Variants in TMEM45A observed in about 807,000 individuals in gnomAD.
TMEM45A encodes DNA polymerase-transactivated protein 4.
Under a neutral mutation model 32.0 loss-of-function variants are expected in TMEM45A, and 25 were observed. The observed-to-expected ratio is 0.78, with a 90% CI of 0.57 to 1.09. The LOEUF (loss-of-function observed/expected upper bound fraction) is 1.09, where lower values mean the gene tolerates loss of function less well. Among genes scored for constraint, TMEM45A ranks in the 50% least tolerant of loss-of-function variants. TMEM45A has a pLI of 0.00. For synonymous variants in TMEM45A, 122 were observed against 114.8 expected (o/e 1.06, Z -0.40); for missense variants, 302 against 325.0 (o/e 0.93, Z 0.54).
intron 1 of TMEM45A, among the ~76,000 whole-genome samples, chr3:100,511,102 A>C (rs1472767305): frequency 3.3e-5 from 5 of 152,148 alleles, no homozygotes; most frequent in Non-Finnish European, 2.9e-5. Flanking sequence ...GCCAACATTC[A>C]GATTCAGGAA....
intron 1 of TMEM45A, among the ~76,000 whole-genome samples, chr3:100,529,123 C>T (rs542957979): frequency 1.5e-3 from 231 of 152,102 alleles, no homozygotes; most frequent in Non-Finnish European, 2.2e-3. Context: ...CTCCTTTCCC[C>T]CATAAGACCT....
intron 1 of TMEM45A, among the ~76,000 whole-genome samples, chr3:100,515,410 T>G (rs1304247931): frequency 2.1e-5 from 3 of 142,218 alleles, no homozygotes. Flanking sequence ...TTCTCACTCA[T>G]AGGTGGGAAT....
intron 4 of TMEM45A, among the ~76,000 whole-genome samples, chr3:100,562,224 T>G (rs1366931823): frequency 6.6e-6 from 1 of 152,104 alleles, no homozygotes; most frequent in Non-Finnish European, 1.5e-5. Context: ...AGATTGAGGT[T>G]TTTTTTTGGA....
chr3:100,574,164 A>T (rs529506949), intron 5 of TMEM45A: 1 of 152,322 alleles, frequency 6.6e-6, no homozygotes, highest in African/African-American at 2.4e-5. Context: ...GAATAGTTTC[A>T]GAAGGAATGG....
chr3:100,501,762 G>A (rs1708010798), intron 1 of TMEM45A, among the ~76,000 whole-genome samples: 1 of 152,100 alleles, frequency 6.6e-6, no homozygotes, highest in Admixed American at 6.5e-5. Flanking sequence ...TAGTAACATA[G>A]GTGTTTAGGA....
chr3:100,546,681 C>T (rs1705985353), intron 1 of TMEM45A, among the ~76,000 whole-genome samples: 1 of 152,196 alleles, frequency 6.6e-6, no homozygotes, highest in African/African-American at 2.4e-5. Flanking sequence ...AGCTTTACCT[C>T]CTTAACATGT....
Position 100,555,250 on chromosome 3 carries a change from C to T in TMEM45A, c.39C>T (p.Phe13=), listed in dbSNP as rs1706191225. Residue 13 remains phenylalanine, a synonymous_variant, in exon 2 of 6, where the codon TTC becomes TTT. Coordinates refer to ENST00000323523, the MANE Select transcript of TMEM45A (RefSeq NM_018004.3). ...NFRGHALPGT[F]FFIIGLWWCT... Reference sequence around the variant, plus strand: ...GAGGTCATGCCCTCCCTGGAACCTTCTTTTTTATTATTGGTCTTTGGTGGT... The same window carrying T: ...GAGGTCATGCCCTCCCTGGAACCTTTTTTTTTATTATTGGTCTTTGGTGGT... 6.2e-7 allele frequency: 1 copy of T among 1,610,970 alleles called. No homozygotes were observed. Among genetic ancestry groups the T allele is most frequent in the Non-Finnish European group, 8.5e-7 (1 of 1,178,592 alleles).
At chr3:100,500,132 A>G in intron 1 of TMEM45A, among the ~76,000 whole-genome samples, 1 of 152,200 alleles carries the variant, frequency 6.6e-6, no homozygotes, top group Non-Finnish European at 1.5e-5. Flanking sequence ...CTTTGTTAAT[A>G]GTCTGCTCTA....
chr3:100,540,528 A>G (rs900099780), intron 1 of TMEM45A, among the ~76,000 whole-genome samples: 2 of 152,220 alleles, frequency 1.3e-5, no homozygotes, highest in Non-Finnish European at 2.9e-5. Context: ...AATCCAAAAT[A>G]CTGACACCAC....
rs143500259 is a variant in TMEM45A, at chr3:100,568,787, T to C, written c.589-35T>C. On this transcript the variant is annotated intron_variant, in intron 4 of 5. Transcript: ENST00000323523. The stretch of plus-strand genomic sequence containing the variant: ...GTACCATTTTTGGGAATGTGATTGG[T>C]TATTTTAATATATGCTTTTTGTTCT... 2.0e-5 allele frequency: 31 copies of C among 1,570,306 alleles called. No homozygotes were observed. The African/African-American group carries it at 3.3e-4, about 16-fold the overall frequency.
chr3:100,520,610 C>T (rs1275421699), intron 1 of TMEM45A, among the ~76,000 whole-genome samples: 1 of 152,160 alleles, frequency 6.6e-6, no homozygotes, highest in Non-Finnish European at 1.5e-5. Context: ...CTCTTGTACG[C>T]CCCACACAAA....
chr3:100,517,493 T>C (rs1396559886), intron 1 of TMEM45A, among the ~76,000 whole-genome samples: 1 of 152,262 alleles, frequency 6.6e-6, no homozygotes, highest in East Asian at 1.9e-4. Flanking sequence ...GTTTGGCACA[T>C]CCACGTAAGG....
intron 1 of TMEM45A, among the ~76,000 whole-genome samples, chr3:100,530,580 C>A (rs930941801): frequency 2.0e-5 from 3 of 152,178 alleles, no homozygotes; most frequent in African/African-American, 7.2e-5. Flanking sequence ...CAAATTGACA[C>A]ATAAAATTAA....
chr3:100,512,848 T>G (rs1052006905), intron 1 of TMEM45A, among the ~76,000 whole-genome samples: 2 of 151,934 alleles, frequency 1.3e-5, no homozygotes, highest in African/African-American at 4.8e-5. Context: ...TACAAACACC[T>G]CTACACAAAT....
At chr3:100,554,430 G>A (rs1210429625) in intron 1 of TMEM45A, among the ~76,000 whole-genome samples, 1 of 152,202 alleles carries the variant, frequency 6.6e-6, no homozygotes, top group Non-Finnish European at 1.5e-5. Flanking sequence ...GCCACACCAA[G>A]GTTGCCCAGG....
At chr3:100,544,778 T>C (rs1705952917) in intron 1 of TMEM45A, among the ~76,000 whole-genome samples, 1 of 152,228 alleles carries the variant, frequency 6.6e-6, no homozygotes. Context: ...TGGGTTATTA[T>C]AAATAAAGCT....
intron 4 of TMEM45A, among the ~76,000 whole-genome samples, chr3:100,562,008 T>C (rs1576291695): frequency 6.6e-6 from 1 of 152,250 alleles, no homozygotes; most frequent in East Asian, 1.9e-4. Context: ...TTGCTTAGGC[T>C]TTTAGTGTTG....
At chr3:100,538,862 G>T (rs546138366) in intron 1 of TMEM45A, among the ~76,000 whole-genome samples, 1 of 151,862 alleles carries the variant, frequency 6.6e-6, no homozygotes, top group Non-Finnish European at 1.5e-5. Flanking sequence ...CATTAGCACC[G>T]AAAAGGAAAA....
At chr3:100,567,497 G>T (rs1706466289) in intron 4 of TMEM45A, among the ~76,000 whole-genome samples, 1 of 115,162 alleles carries the variant, frequency 8.7e-6, no homozygotes, top group African/African-American at 3.5e-5. Flanking sequence ...TGAGTTACAG[G>T]ATCAGCTTTT....
Sources: allele counts gnomAD v4.1 joint callset (sites outside exome capture counted in the v4.1 genomes callset), GRCh38; gene constraint gnomAD v4.1.1; transcripts MANE v1.5; gene names NCBI Gene and HGNC (gene_info 2026-07-23, HGNC 2026-07-21).